The following BLTP3A variants were observed in gnomAD, a reference collection of about 807,000 sequenced individuals.
The protein encoded by BLTP3A is ICBP90 binding protein 1.
the BLTP3A span, chr6:34,856,200 G>A: frequency 6.3e-7 from 1 of 1,593,030 alleles, no homozygotes; most frequent in Non-Finnish European, 8.5e-7. Context: ...CATTCATCAT[G>A]ATCTTGGGCT....
At chr6:34,795,073 C>T in the BLTP3A span, among the ~76,000 whole-genome samples, 67 of 151,748 alleles carry the variant, frequency 4.4e-4, no homozygotes, top group Admixed American at 7.2e-4. Flanking sequence ...AGGCGTGAGC[C>T]ACCACGCCTA....
the BLTP3A span, among the ~76,000 whole-genome samples, chr6:34,848,064 C>T: frequency 1.5e-4 from 22 of 150,400 alleles, no homozygotes; most frequent in East Asian, 3.9e-3. Context: ...AGACTACAGG[C>T]ATGCACTACC....
chr6:34,826,973 T>G, the BLTP3A span, among the ~76,000 whole-genome samples: 1 of 152,162 alleles, frequency 6.6e-6, no homozygotes, highest in Non-Finnish European at 1.5e-5. Context: ...TTCATTGCTT[T>G]AAGGCCTTTT....
the BLTP3A span, among the ~76,000 whole-genome samples, chr6:34,827,690 G>C: frequency 1.6e-4 from 25 of 152,132 alleles, no homozygotes; most frequent in Non-Finnish European, 2.4e-4. Context: ...GGAGTGCGGT[G>C]GCACCATCTC....
the BLTP3A span, chr6:34,872,473 G>A: frequency 1.3e-6 from 2 of 1,586,586 alleles, no homozygotes; most frequent in South Asian, 1.2e-5. Flanking sequence ...CAAGGAGAGA[G>A]GCTATCACCA....
At chr6:34,834,728 C>T in the BLTP3A span, 1 of 1,613,750 alleles carries the variant, frequency 6.2e-7, no homozygotes, top group Non-Finnish European at 8.5e-7. Context: ...CAGGTTTTAA[C>T]ATTTAAGGAA....
At chr6:34,803,435 A>G in the BLTP3A span, among the ~76,000 whole-genome samples, 2 of 151,924 alleles carry the variant, frequency 1.3e-5, no homozygotes, top group African/African-American at 4.8e-5. Context: ...GTGCTTTGCT[A>G]CTGTACCCCC....
chr6:34,820,764 A>T, the BLTP3A span, among the ~76,000 whole-genome samples: 1 of 146,900 alleles, frequency 6.8e-6, no homozygotes. Context: ...TGCAGCCTCA[A>T]CCTCAGCCTC....
the BLTP3A span, among the ~76,000 whole-genome samples, chr6:34,802,466 T>G: frequency 6.6e-6 from 1 of 150,636 alleles, no homozygotes; most frequent in African/African-American, 2.4e-5. Context: ...GCCTCCCGGG[T>G]TCAAGCGATT....
the BLTP3A span, among the ~76,000 whole-genome samples, chr6:34,823,627 C>T: frequency 6.7e-6 from 1 of 150,090 alleles, no homozygotes; most frequent in South Asian, 2.1e-4. Context: ...ACTGTAGCCT[C>T]GACCTCCTGG....
At chr6:34,823,211 G>GT in the BLTP3A span, 30 of 1,473,110 alleles carry the variant, frequency 2.0e-5, no homozygotes. Context: ...ATTGTGCTGT[G>GT]TGTGTATTTG....
At chr6:34,813,853 G>C in the BLTP3A span, among the ~76,000 whole-genome samples, 1 of 152,128 alleles carries the variant, frequency 6.6e-6, no homozygotes, top group Non-Finnish European at 1.5e-5. Context: ...ATTATAGGCA[G>C]AGAGTTTGAG....
At chr6:34,857,994 T>C in the BLTP3A span, 1 of 1,569,172 alleles carries the variant, frequency 6.4e-7, no homozygotes, top group Non-Finnish European at 8.6e-7. Flanking sequence ...TCCATGGTTT[T>C]GCTCTGTCCA....
At chr6:34,833,920 C>CAAAAA in the BLTP3A span, among the ~76,000 whole-genome samples, 3 of 45,074 alleles carry the variant, frequency 6.7e-5, no homozygotes, top group African/African-American at 1.5e-4. Context: ...GACTCCGTCT[C>CAAAAA]AAAAAAAAAA....
chr6:34,803,233 T>TA, the BLTP3A span, among the ~76,000 whole-genome samples: 6,075 of 143,174 alleles, frequency 0.042, 366 homozygotes, highest in African/African-American at 0.14. Context: ...ATTGTAAAGT[T>TA]AAAAAAAAAA....
the BLTP3A span, among the ~76,000 whole-genome samples, chr6:34,850,145 A>G: frequency 6.8e-6 from 1 of 147,836 alleles, no homozygotes; most frequent in African/African-American, 2.5e-5. Context: ...CTCGGTCTCA[A>G]AAAAAAAAAA....
chr6:34,866,245 A>G, the BLTP3A span, among the ~76,000 whole-genome samples: 2 of 151,994 alleles, frequency 1.3e-5, no homozygotes, highest in Non-Finnish European at 2.9e-5. Flanking sequence ...CTCTACTAAA[A>G]ATACAAAAAT....
the BLTP3A span, among the ~76,000 whole-genome samples, chr6:34,814,177 A>G: frequency 1.3e-5 from 2 of 151,914 alleles, no homozygotes; most frequent in Non-Finnish European, 2.9e-5. Flanking sequence ...ACCATGCCCA[A>G]CTAGTCTTTG....
chr6:34,798,313 C>G, the BLTP3A span, among the ~76,000 whole-genome samples: 921 of 152,246 alleles, frequency 6.0e-3, 11 homozygotes, highest in African/African-American at 0.018. Context: ...CTTCTGGATA[C>G]CAGTTTAGGG....
Sources: gnomAD v4.1 joint callset for allele counts (sites outside exome capture counted in the v4.1 genomes callset) on GRCh38, gnomAD v4.1.1 for gene constraint, MANE v1.5 for transcripts, NCBI Gene and HGNC (gene_info 2026-07-23, HGNC 2026-07-21) for gene names.